RPN2: variants seen among roughly 807,000 people sequenced by gnomAD.
The protein encoded by RPN2 is ribophorin II.
In RPN2, 29 loss-of-function variants were observed where a neutral mutation model predicts 71.4. The observed-to-expected ratio is 0.41, with a 90% confidence interval of 0.30 to 0.55. The LOEUF is 0.55. Among genes scored for constraint, RPN2 ranks in the 20% least tolerant of loss-of-function variants. RPN2 has a pLI of 0.35. For synonymous variants in RPN2, 308 were observed against 305.0 expected (o/e 1.01, Z -0.10); for missense variants, 726 against 774.1 (o/e 0.94, Z 0.74).
At chr20:37,186,593 A>T (rs2067016204) in intron 2 of RPN2, among the ~76,000 whole-genome samples, 1 of 152,238 alleles carries the variant, frequency 6.6e-6, no homozygotes, top group Admixed American at 6.5e-5. Context: ...GATTACAGGC[A>T]TGAGCCATTG....
chr20:37,239,647 G>A (rs1413724478), intron 16 of RPN2, among the ~76,000 whole-genome samples: 1 of 152,082 alleles, frequency 6.6e-6, no homozygotes, highest in Non-Finnish European at 1.5e-5. Context: ...GCAGAAAAAT[G>A]TACCCTTTTT....
At position 37,217,304 on chromosome 20, in the gene RPN2, T is replaced by TTC. The variant is rs564725876; in HGVS notation, c.1092+3440_1092+3441insCT. ...TATTATTATTATTATTATTATTCTT[T>TTC]TTTTTTTGAAACAGAGTCTCGCTCT... is the stretch of plus-strand genomic sequence containing the variant. On this transcript the variant is annotated intron_variant, in intron 9 of 16. Transcript: ENST00000237530. Among the ~76,000 whole-genome samples the TTC allele has an allele frequency of 5.0e-3, 716 of 144,110 alleles. 3 individuals are homozygous for TTC. Among genetic ancestry groups the TTC allele is most frequent in the African/African-American group, 0.017 (686 of 40,242 alleles). The allele number at this position is 144,110 out of a possible 152,430, so 94.5% of individuals were successfully genotyped here. A position where few individuals can be genotyped will look rare whatever the true frequency, so the allele number is the denominator to read the frequency against.
Position 37,222,004 on chromosome 20 carries a change from T to G in RPN2, c.1093-1874T>G, listed in dbSNP as rs185310284. On this transcript the variant is annotated intron_variant, in intron 9 of 16. Coordinates refer to ENST00000237530, the MANE Select transcript of RPN2 (RefSeq NM_002951.5). ...TATTCCCTGAATGGGGAAAGTGCTC[T>G]CAGCAGGTGTCAAATCAAAGCTCTG... 1.9e-3 allele frequency among the ~76,000 whole-genome samples: 285 copies of G among 152,364 alleles called. 2 individuals are homozygous for G. The highest frequency in any genetic ancestry group is 6.6e-3 in the African/African-American group (276 of 41,588).
At chr20:37,212,720 A>G (rs941389890) in intron 8 of RPN2, among the ~76,000 whole-genome samples, 1 of 151,980 alleles carries the variant, frequency 6.6e-6, no homozygotes, top group Non-Finnish European at 1.5e-5. Context: ...ACCTAAAGTG[A>G]CCCGCCTGCC....
intron 13 of RPN2, among the ~76,000 whole-genome samples, 197 bp from the exon 14 acceptor site, chr20:37,232,099 G>A (rs1230806435): frequency 6.6e-6 from 1 of 152,222 alleles, no homozygotes; most frequent in Non-Finnish European, 1.5e-5. Context: ...AGTCTCTGTG[G>A]AAGGGAGACC....
At chr20:37,188,737 C>G (rs1318206179) in intron 2 of RPN2, among the ~76,000 whole-genome samples, 3 of 151,768 alleles carry the variant, frequency 2.0e-5, no homozygotes, top group Non-Finnish European at 4.4e-5. Context: ...TCACCTCTGC[C>G]CCTCGAGTAG....
chr20:37,203,529 G>A (rs6032034), intron 4 of RPN2, among the ~76,000 whole-genome samples: 124,450 of 151,968 alleles, frequency 0.82, 51,637 homozygotes, highest in Middle Eastern at 0.93. Flanking sequence ...TTTAGTAGAG[G>A]TGGGGTTTCA....
chr20:37,237,635 C>T (rs890670229), intron 16 of RPN2, among the ~76,000 whole-genome samples: 3 of 152,104 alleles, frequency 2.0e-5, no homozygotes, highest in Middle Eastern at 3.2e-3. Flanking sequence ...CATGGAGACT[C>T]GGCACAGACG....
rs781556628 is a variant in RPN2, at chr20:37,184,238, G to A, written c.72G>A (p.Thr24=). ...LTIIASTWAL[T]PTHYLTKHDV... Reference sequence around the variant, plus strand: ...TCATAGCCAGCACCTGGGCTCTGACGCCCACTCACTACCTCACCAAGCATG... The same window carrying A: ...TCATAGCCAGCACCTGGGCTCTGACACCCACTCACTACCTCACCAAGCATG... Residue 24 remains threonine, a synonymous_variant, in exon 2 of 17, where the codon ACG becomes ACA. Transcript: ENST00000237530. 2.5e-5 allele frequency: 41 copies of A among 1,614,000 alleles called. No homozygotes were observed. Among genetic ancestry groups the A allele is most frequent in the East Asian group, 4.5e-5 (2 of 44,892 alleles).
intron 4 of RPN2, among the ~76,000 whole-genome samples, chr20:37,203,501 T>C (rs2067442024): frequency 1.3e-5 from 2 of 151,924 alleles, no homozygotes; most frequent in Admixed American, 1.3e-4. Context: ...CTACCATACC[T>C]GGCTCATTTT....
chr20:37,234,214 T>C, intron 15 of RPN2, 119 bp downstream of exon 15: 1 of 975,800 alleles, frequency 1.0e-6, no homozygotes. Flanking sequence ...AGCATTACAT[T>C]TCCCTCTTCC....
rs201593369 is a variant in RPN2, at chr20:37,184,293, C to T, written c.127C>T (p.Arg43Cys). Residue 43 changes from arginine to cysteine, a missense_variant, in exon 2 of 17, where the codon CGC (arginine) becomes TGC (cysteine). By Grantham distance (180) the Arg-to-Cys change is radical. Transcript: ENST00000237530. ...GGAGAGACTAAAAGCCTCGCTGGAT[C>T]GCCCTTTCACAAATTTGGAATCTGC... ...DVERLKASLD[R>C]PFTNLESAFY... 12 of 1,614,194 alleles carry T rather than the reference C, an allele frequency of 7.4e-6. No individual in the cohort carries two copies. In the East Asian group the frequency reaches 1.1e-4, roughly 15 times the overall value.
chr20:37,193,395 C>T (rs1452045306), intron 2 of RPN2, among the ~76,000 whole-genome samples: 2 of 152,038 alleles, frequency 1.3e-5, no homozygotes, highest in African/African-American at 4.8e-5. Flanking sequence ...GGATAGAGAG[C>T]AGGTTACATT....
intron 1 of RPN2, among the ~76,000 whole-genome samples, chr20:37,183,558 T>G (rs2343033): frequency 0.82 from 124,517 of 152,116 alleles, 51,662 homozygotes; most frequent in Middle Eastern, 0.93. Context: ...CTTTACACTT[T>G]AGGAAACTGA....
At chr20:37,222,436 T>A (rs2067982358) in intron 9 of RPN2, among the ~76,000 whole-genome samples, 1 of 152,044 alleles carries the variant, frequency 6.6e-6, no homozygotes, top group African/African-American at 2.4e-5. Flanking sequence ...CTATTCAACA[T>A]GATAATTGAG....
At chr20:37,212,622 C>T (rs1038650901) in intron 8 of RPN2, among the ~76,000 whole-genome samples, 2 of 151,932 alleles carry the variant, frequency 1.3e-5, no homozygotes, top group Non-Finnish European at 2.9e-5. Context: ...GGATTACAGG[C>T]ACCCGCCACC....
chr20:37,228,643 A>G lies in RPN2; in HGVS notation c.1393A>G (p.Thr465Ala). The G allele has an allele frequency of 6.2e-7, 1 of 1,614,168 alleles. No homozygotes were observed. The highest frequency in any genetic ancestry group is 8.5e-7 in the Non-Finnish European group (1 of 1,180,000). ...GAACGTGTACAAGTTTGAACTGGAT[A>G]CCTCTGAAAGAAAGATTGAATTTGA... ...NKNVYKFELDTSERKIEFDSA... is the reference protein window; with the variant it reads ...NKNVYKFELDASERKIEFDSA... Residue 465 changes from threonine (T) to alanine (A), a missense_variant, in exon 12 of 17, where the codon ACC becomes GCC. Transcript: ENST00000237530.
intron 16 of RPN2, among the ~76,000 whole-genome samples, 182 bp from the exon 17 acceptor site, chr20:37,241,121 A>G (rs1363464114): frequency 6.6e-6 from 1 of 152,216 alleles, no homozygotes; most frequent in African/African-American, 2.4e-5. Flanking sequence ...TAGCTGTCTC[A>G]CATTCTTTTG....
chr20:37,192,335 G>C (rs2067159664), intron 2 of RPN2, among the ~76,000 whole-genome samples: 1 of 152,204 alleles, frequency 6.6e-6, no homozygotes, highest in South Asian at 2.1e-4. Flanking sequence ...CAGACATTGT[G>C]CTAAGTGCAG....
Sources: gnomAD v4.1 joint callset for allele counts (sites outside exome capture counted in the v4.1 genomes callset) on GRCh38, gnomAD v4.1.1 for gene constraint, MANE v1.5 for transcripts, NCBI Gene and HGNC (gene_info 2026-07-23, HGNC 2026-07-21) for gene names.